TM2D3: variants seen among roughly 807,000 people sequenced by gnomAD.
TM2D3 encodes TM2 domain containing 3.
In TM2D3, 33 loss-of-function variants were observed where a neutral mutation model predicts 27.3. The ratio of observed to expected loss-of-function variants is 1.21; its 90% CI spans 0.92 to 1.61. The LOEUF is 1.61. Ranked by LOEUF, TM2D3 falls within the 40% of genes most tolerant of loss-of-function variation. The pLI is 0.00. For synonymous variants in TM2D3, 138 were observed against 122.2 expected, an observed-to-expected ratio of 1.13 and a Z score of -0.85; for missense variants, 364 against 320.8, an observed-to-expected ratio of 1.13 and a Z score of -1.03.
chr15:101,651,471 C>T (rs1596269361), intron 2 of TM2D3: 3 of 483,396 alleles, frequency 6.2e-6, no homozygotes, highest in Admixed American at 3.7e-5. Flanking sequence ...GACAAATGAG[C>T]GTGGGATTGG....
intron 1 of TM2D3, 25 bp downstream of exon 1, chr15:101,652,246 G>T: frequency 6.3e-7 from 1 of 1,595,898 alleles, no homozygotes. Context: ...GCCCCACCCG[G>T]CGCTGAACCC....
chr15:101,642,609 T>C lies in TM2D3; in HGVS notation c.614A>G (p.Tyr205Cys). The C allele has an allele frequency of 6.2e-7, 1 of 1,613,188 alleles. No homozygotes were observed. Among genetic ancestry groups the C allele is most frequent in the Non-Finnish European group, 8.5e-7 (1 of 1,179,658 alleles). ...TLGGFGADRF[Y>C]LGQWREGLGK... ...GAGGCCTTCCCGCCACTGGCCCAGG[T>C]AGAAACGGTCTGCTCCAAACCCACC... Residue 205 changes from tyrosine (Y) to cysteine (C), a missense_variant, in exon 6 of 6, where the codon TAC becomes TGC. Physicochemically the swap from Tyr to Cys is radical, Grantham distance 194 (BLOSUM62 -2). Coordinates refer to ENST00000333202, the MANE Select transcript of TM2D3 (RefSeq NM_078474.3).
At chr15:101,633,405 T>C in exon 5 of TM2D3, 1 of 361,816 alleles carries the variant, frequency 2.8e-6, no homozygotes, top group Non-Finnish European at 5.0e-6. Context: ...TGGGACTGTG[T>C]TCCTTTCTGG....
In TM2D3 at chr15:101,652,323, G is replaced by T; in HGVS notation, c.39C>A (p.Ala13=). ...GGVLPLRGLR[A]LCRVLLFLSQ... ...AGAGGAAGAGCAGCACGCGACACAA[G>T]GCGCGGAGGCCCCTCAGCGGGAGCA... The change falls in exon 1 of 6, where the codon GCC becomes GCA. Residue 13 remains alanine, a synonymous_variant. Transcript: ENST00000333202. 1 of 1,602,266 alleles carries T rather than the reference G, an allele frequency of 6.2e-7. No individual in the cohort carries two copies. Among genetic ancestry groups the T allele is most frequent in the Non-Finnish European group, 8.5e-7 (1 of 1,175,162 alleles).
In TM2D3 at chr15:101,642,099, C is replaced by T; in HGVS notation, c.*380G>A. The T allele has an allele frequency of 1.0e-6, 1 of 990,798 alleles. No individual in the cohort carries two copies. The highest frequency in any genetic ancestry group is 1.2e-6 in the Non-Finnish European group (1 of 833,320). 61.4% of individuals were successfully genotyped at this position (990,798 alleles called of 1,614,324 possible). A position where few individuals can be genotyped will look rare whatever the true frequency, so the allele number is the denominator to read the frequency against. ...CAGCAATTAGCTAACAATAAAAACA[C>T]TCCCACTTCCTGCAGTCACAGCTGA... On this transcript the variant is annotated 3_prime_UTR_variant, in exon 6 of 6. Coordinates refer to ENST00000333202, the MANE Select transcript of TM2D3 (RefSeq NM_078474.3).
chr15:101,633,863 G>A (rs1448786987), intron 4 of TM2D3: 3 of 682,324 alleles, frequency 4.4e-6, no homozygotes, highest in African/African-American at 3.6e-5. Flanking sequence ...GAGAAGAGAT[G>A]ATCAAAAGGT....
At chr15:101,650,951 TC>T (rs1328191521) in intron 2 of TM2D3, 1 of 152,220 alleles carries the variant, frequency 6.6e-6, no homozygotes, top group Admixed American at 6.5e-5. Flanking sequence ...GTTTTTTACA[TC>T]CAAATAAGAA....
At chr15:101,643,086 A>G (rs1187341552) in intron 5 of TM2D3, among the ~76,000 whole-genome samples, 1 of 152,150 alleles carries the variant, frequency 6.6e-6, no homozygotes, top group Non-Finnish European at 1.5e-5. Flanking sequence ...TAAATCCTTA[A>G]AAGATTTAAG....
At chr15:101,651,665 T>A in intron 2 of TM2D3, 31 bp downstream of exon 2, 3 of 1,597,834 alleles carry the variant, frequency 1.9e-6, no homozygotes, top group Non-Finnish European at 2.6e-6. Context: ...GATAACTACA[T>A]GTATTTACTA....
At position 101,641,993 on chromosome 15, in the gene TM2D3, T is replaced by C; in HGVS notation, c.*486A>G. The C allele has an allele frequency of 1.0e-6, 1 of 985,904 alleles. No homozygotes were observed. The allele number at this position is 985,904 out of a possible 1,614,324, so 61.1% of individuals were successfully genotyped here. A position where few individuals can be genotyped will look rare whatever the true frequency, so the allele number is the denominator to read the frequency against. On this transcript the variant is annotated 3_prime_UTR_variant, in exon 6 of 6. Transcript: ENST00000333202. ...AGACCAGACTACATATGTATTACACTGCAAAACTTACACATGACTGAAGCT... is the reference window on the plus strand; with the variant it reads ...AGACCAGACTACATATGTATTACACCGCAAAACTTACACATGACTGAAGCT...
chr15:101,650,194 A>G (rs763407831), intron 2 of TM2D3, 33 bp from the exon 3 acceptor site: 6 of 1,593,478 alleles, frequency 3.8e-6, no homozygotes, highest in East Asian at 2.2e-5. Flanking sequence ...TTATTCTCCT[A>G]TAATACTGAT....
chr15:101,644,535 C>G (rs1896755187), intron 5 of TM2D3, among the ~76,000 whole-genome samples: 2 of 152,242 alleles, frequency 1.3e-5, no homozygotes, highest in African/African-American at 4.8e-5. Context: ...CAAGTGTAGG[C>G]AGCGTAACCT....
At chr15:101,639,164 T>C (rs1039882309), downstream of TM2D3, among the ~76,000 whole-genome samples, 2 of 152,224 alleles carry the variant, frequency 1.3e-5, no homozygotes, top group African/African-American at 4.8e-5. Flanking sequence ...GTCTAGTGCA[T>C]AGCATCACTA....
chr15:101,646,425 C>CA, intron 4 of TM2D3: 1 of 153,514 alleles, frequency 6.5e-6, no homozygotes. Flanking sequence ...ACTCAGGCGG[C>CA]CGCAATGGTA....
chr15:101,645,608 CA>C (rs1390614751), intron 4 of TM2D3: 8 of 156,244 alleles, frequency 5.1e-5, no homozygotes, highest in Non-Finnish European at 1.1e-4. Flanking sequence ...TACCTCACAC[CA>C]TCTACCAGGA....
At chr15:101,639,950 T>C (rs141759201), downstream of TM2D3, among the ~76,000 whole-genome samples, 1,143 of 152,228 alleles carry the variant, frequency 7.5e-3, 9 homozygotes, top group African/African-American at 0.026. Context: ...CGTGAGGCAT[T>C]ACTGGGGTAA....
intron 5 of TM2D3, among the ~76,000 whole-genome samples, chr15:101,644,597 G>A (rs905730686): frequency 1.3e-5 from 2 of 152,192 alleles, no homozygotes; most frequent in East Asian, 1.9e-4. Context: ...TTGGTGGGAA[G>A]AACTGCTATA....
At chr15:101,651,569 A>G in intron 2 of TM2D3, 127 bp downstream of exon 2, 1 of 954,798 alleles carries the variant, frequency 1.0e-6, no homozygotes, top group South Asian at 1.5e-5. Context: ...AATTCACATA[A>G]TCTAAAATAC....
intron 3 of TM2D3, chr15:101,648,458 CT>C (rs963961918): frequency 4.6e-5 from 7 of 152,258 alleles, no homozygotes; most frequent in African/African-American, 1.7e-4. Flanking sequence ...TTAAAACACA[CT>C]TTTTTTAATG....
Sources: allele counts gnomAD v4.1 joint callset (sites outside exome capture counted in the v4.1 genomes callset), GRCh38; gene constraint gnomAD v4.1.1; transcripts MANE v1.5; gene names NCBI Gene and HGNC (gene_info 2026-07-23, HGNC 2026-07-21).